MALRD1: variants seen among roughly 807,000 people sequenced by gnomAD.
MALRD1 encodes MAM and LDL-receptor class A domain-containing protein 1.
Under a neutral mutation model 242.1 loss-of-function variants are expected in MALRD1, and 247 were observed. The ratio of observed to expected loss-of-function variants is 1.02; its 90% confidence interval spans 0.92 to 1.13. The LOEUF is 1.13. Ranked by LOEUF, MALRD1 falls within the 50% of genes most tolerant of loss-of-function variation. MALRD1 has a pLI of 0.00. For missense variants in MALRD1, 2,989 were observed against 2,533.1 expected (o/e 1.18, Z -3.86); for synonymous variants, 995 against 866.6 (o/e 1.15, Z -2.60).
chr10:19,223,201 G>T (rs1402205689), intron 18 of MALRD1, among the ~76,000 whole-genome samples: 2 of 151,934 alleles, frequency 1.3e-5, no homozygotes, highest in Admixed American at 1.3e-4. Context: ...TTATTCGAGG[G>T]CCTCCCAGAA....
intron 2 of MALRD1, among the ~76,000 whole-genome samples, chr10:19,070,193 G>T (rs559072338): frequency 6.6e-6 from 1 of 152,060 alleles, no homozygotes; most frequent in South Asian, 2.1e-4. Context: ...ATTATAATAG[G>T]ATTATGTCTC....
At chr10:19,188,633 T>C (rs928157348) in intron 14 of MALRD1, among the ~76,000 whole-genome samples, 1 of 152,114 alleles carries the variant, frequency 6.6e-6, no homozygotes, top group Non-Finnish European at 1.5e-5. Flanking sequence ...CTACCTTGTT[T>C]AATGTTGTTG....
chr10:19,658,361 A>G (rs1013461272), intron 36 of MALRD1, among the ~76,000 whole-genome samples: 1 of 152,122 alleles, frequency 6.6e-6, no homozygotes, highest in African/African-American at 2.4e-5. Flanking sequence ...GATCTGAAAA[A>G]AATAATGCAT....
intron 16 of MALRD1, among the ~76,000 whole-genome samples, chr10:19,204,674 T>G (rs928518551): frequency 2.6e-5 from 4 of 152,226 alleles, no homozygotes; most frequent in Non-Finnish European, 4.4e-5. Context: ...CCTCTTGTTA[T>G]GTACTGAGCT....
chr10:19,162,119 A>G (rs1431339258), intron 12 of MALRD1, among the ~76,000 whole-genome samples: 4 of 152,228 alleles, frequency 2.6e-5, no homozygotes, highest in African/African-American at 9.6e-5. Context: ...ATTTTAATTA[A>G]TTTAAATAAA....
intron 36 of MALRD1, among the ~76,000 whole-genome samples, chr10:19,691,073 C>G (rs1445067350): frequency 6.6e-6 from 1 of 151,846 alleles, no homozygotes; most frequent in Non-Finnish European, 1.5e-5. Flanking sequence ...AGTGTGTGCA[C>G]GTGTGAAAGA....
intron 17 of MALRD1, among the ~76,000 whole-genome samples, chr10:19,208,899 A>G (rs1298715732): frequency 6.6e-6 from 1 of 152,154 alleles, no homozygotes; most frequent in Non-Finnish European, 1.5e-5. Context: ...GGTGATTGGA[A>G]CATTCAGTTG....
At chr10:19,329,271 C>A (rs944221587) in intron 23 of MALRD1, among the ~76,000 whole-genome samples, 1 of 152,158 alleles carries the variant, frequency 6.6e-6, no homozygotes, top group East Asian at 1.9e-4. Context: ...GCACACTCTT[C>A]GTGATTCTGC....
intron 26 of MALRD1, among the ~76,000 whole-genome samples, chr10:19,379,169 G>A (rs940463339): frequency 1.3e-5 from 2 of 151,720 alleles, no homozygotes; most frequent in Non-Finnish European, 2.9e-5. Flanking sequence ...TTTCACATTG[G>A]TAATCTTTGT....
chr10:19,386,270 T>G (rs112565346), intron 26 of MALRD1, among the ~76,000 whole-genome samples: 2,559 of 152,186 alleles, frequency 0.017, 38 homozygotes, highest in Non-Finnish European at 0.027. Context: ...TACCTGAACT[T>G]CATCCCCTAC....
intron 14 of MALRD1, among the ~76,000 whole-genome samples, chr10:19,199,152 AG>A (rs1836403426): frequency 6.6e-6 from 1 of 151,592 alleles, no homozygotes; most frequent in South Asian, 2.1e-4. Context: ...AACTTTCAGC[AG>A]GGGCACAAAA....
At position 19,192,476 on chromosome 10, in the gene MALRD1, G is replaced by A. The variant is rs374249552; in HGVS notation, c.1952-11252G>A. On this transcript the variant is annotated intron_variant, in intron 14 of 39. Transcript: ENST00000454679. ...ATATGACAGGTGGGCTTAAGGAGAT[G>A]AAAGAAATCCTCAGCAGACAGGCAG... is the stretch of plus-strand genomic sequence containing the variant. Among the ~76,000 whole-genome samples, 34 of 152,280 alleles carry A rather than the reference G, an allele frequency of 2.2e-4. No individual in the cohort carries two copies. In the South Asian group the frequency reaches 4.8e-3, roughly 21 times the overall value.
chr10:19,373,517 C>T (rs1442469262), intron 26 of MALRD1, among the ~76,000 whole-genome samples: 1 of 136,056 alleles, frequency 7.3e-6, no homozygotes, highest in Admixed American at 7.6e-5. Flanking sequence ...AAAACTCTGT[C>T]AAAAAAAAGA....
intron 33 of MALRD1, among the ~76,000 whole-genome samples, chr10:19,588,631 A>G (rs1439558619): frequency 1.3e-5 from 2 of 152,308 alleles, no homozygotes; most frequent in South Asian, 2.1e-4. Context: ...TAAATTCTAA[A>G]GCAACATTTC....
intron 4 of MALRD1, among the ~76,000 whole-genome samples, chr10:19,099,560 A>G (rs1836173209): frequency 6.6e-6 from 1 of 152,058 alleles, no homozygotes; most frequent in Admixed American, 6.6e-5. Flanking sequence ...CCTATGATCC[A>G]CTTTTATTTT....
chr10:19,454,248 G>A (rs1296693322), intron 29 of MALRD1, among the ~76,000 whole-genome samples: 1 of 151,410 alleles, frequency 6.6e-6, no homozygotes, highest in African/African-American at 2.4e-5. Context: ...AAACTAATAG[G>A]ACAAACCACA....
chr10:19,639,688 T>C (rs1288103278), intron 36 of MALRD1, among the ~76,000 whole-genome samples: 3 of 152,178 alleles, frequency 2.0e-5, no homozygotes, highest in African/African-American at 4.8e-5. Flanking sequence ...TGTATAGCAG[T>C]TGAAAGTTAG....
At chr10:19,331,131 G>A (rs1378003384) in intron 23 of MALRD1, among the ~76,000 whole-genome samples, 1 of 152,068 alleles carries the variant, frequency 6.6e-6, no homozygotes, top group Non-Finnish European at 1.5e-5. Context: ...TAAAAATCTA[G>A]ACATAAGCCA....
chr10:19,235,573 ACCC>A (rs1564488746), intron 18 of MALRD1, among the ~76,000 whole-genome samples: 37 of 122,930 alleles, frequency 3.0e-4, no homozygotes, highest in Admixed American at 7.0e-4. Context: ...CCACACCCAC[ACCC>A]ACAGAGAGAG....
Sources: allele counts gnomAD v4.1 joint callset (sites outside exome capture counted in the v4.1 genomes callset), GRCh38; gene constraint gnomAD v4.1.1; transcripts MANE v1.5; gene names NCBI Gene and HGNC (gene_info 2026-07-23, HGNC 2026-07-21).